RUNX1: variants seen among roughly 807,000 people sequenced by gnomAD.
RUNX1 encodes the protein RUNX family transcription factor 1.
A neutral mutation model predicts 42.8 loss-of-function variants in RUNX1; 19 were observed. The ratio of observed to expected loss-of-function variants is 0.44; its 90% confidence interval spans 0.31 to 0.65. RUNX1 has a LOEUF of 0.65. Among genes scored for constraint, RUNX1 ranks in the 30% least tolerant of loss-of-function variants. RUNX1 has a pLI of 0.07. For synonymous variants in RUNX1, 271 were observed against 289.4 expected (o/e 0.94, Z 0.64); for missense variants, 528 against 672.0 (o/e 0.79, Z 2.37).
intron 2 of RUNX1, among the ~76,000 whole-genome samples, chr21:34,904,281 T>C (rs929563526): frequency 1.3e-5 from 2 of 152,112 alleles, no homozygotes; most frequent in African/African-American, 4.8e-5. Context: ...TTTTGAAAGG[T>C]AGAGAGAAAG....
At chr21:34,891,128 C>T (rs2146446882) in intron 3 of RUNX1, among the ~76,000 whole-genome samples, 1 of 152,322 alleles carries the variant, frequency 6.6e-6, no homozygotes, top group Non-Finnish European at 1.5e-5. Context: ...GGCTGCGAGT[C>T]GGACTCGGGC....
intron 2 of RUNX1, among the ~76,000 whole-genome samples, chr21:34,981,794 A>G (rs2058848234): frequency 1.3e-5 from 2 of 152,272 alleles, no homozygotes; most frequent in Middle Eastern, 3.4e-3. Context: ...CTATAATAAT[A>G]TGGCTTGATG....
chr21:34,931,351 CATGTGTATATAT>C (rs1016815228), intron 2 of RUNX1, among the ~76,000 whole-genome samples: 2 of 144,100 alleles, frequency 1.4e-5, no homozygotes, highest in Non-Finnish European at 3.0e-5. Flanking sequence ...TATATATATA[CATGTGTATATAT>C]ATGTGTATAT....
In RUNX1 at chr21:34,947,912, C is replaced by T. The variant is rs924539619; in HGVS notation, c.59-54949G>A. Among the ~76,000 whole-genome samples, 25 of 152,100 alleles carry T rather than the reference C, an allele frequency of 1.6e-4. 1 individual carries two copies. The highest frequency in any genetic ancestry group is 6.0e-4 in the African/African-American group (25 of 41,410). On this transcript the variant is annotated intron_variant, in intron 2 of 8. Transcript: ENST00000675419. ...CTGTCATGCTGCGAGGAAGTATTTG[C>T]AGGCCTCTGAGTTCAGTCCTCCGAG...
At position 34,999,430 on chromosome 21, in the gene RUNX1, G is replaced by A. The variant is rs547849250; in HGVS notation, c.58+49412C>T. Among the ~76,000 whole-genome samples the A allele has an allele frequency of 2.0e-5, 3 of 152,354 alleles. No homozygotes were observed. The South Asian group carries it at 6.2e-4, about 32-fold the overall frequency. Reference sequence around the variant, plus strand: ...ATGGAGCCCCCACAGCTGAGGGTGAGTGAGTTAGGGGCTGACCTGGGAGAC... The same window carrying A: ...ATGGAGCCCCCACAGCTGAGGGTGAATGAGTTAGGGGCTGACCTGGGAGAC... On this transcript the variant is annotated intron_variant, in intron 2 of 8. Coordinates refer to ENST00000675419, the MANE Select transcript of RUNX1 (RefSeq NM_001754.5).
intron 3 of RUNX1, chr21:34,888,042 C>T: frequency 2.8e-6 from 3 of 1,066,296 alleles, no homozygotes; most frequent in Non-Finnish European, 3.4e-6. Flanking sequence ...AAGTTTGTGG[C>T]TGGTCCTCTG....
intron 5 of RUNX1, among the ~76,000 whole-genome samples, chr21:34,862,357 G>A (rs2057589274): frequency 6.6e-6 from 1 of 152,132 alleles, no homozygotes; most frequent in African/African-American, 2.4e-5. Flanking sequence ...TTCTTCTGTT[G>A]CCTACAACTC....
intron 2 of RUNX1, among the ~76,000 whole-genome samples, chr21:34,981,620 G>C (rs1216101286): frequency 6.6e-6 from 1 of 152,116 alleles, no homozygotes; most frequent in African/African-American, 2.4e-5. Context: ...CAAATATTTG[G>C]ATCCACATGA....
At chr21:35,031,270 C>T (rs756624717) in intron 2 of RUNX1, among the ~76,000 whole-genome samples, 6 of 152,216 alleles carry the variant, frequency 3.9e-5, no homozygotes, top group African/African-American at 1.4e-4. Flanking sequence ...ATTGCTTGAA[C>T]CTAAGAGGCA....
At chr21:34,939,913 T>C (rs1349564781) in intron 2 of RUNX1, among the ~76,000 whole-genome samples, 1 of 152,124 alleles carries the variant, frequency 6.6e-6, no homozygotes, top group Non-Finnish European at 1.5e-5. Context: ...TTGCGCAACA[T>C]GTAACCAAGC....
chr21:35,001,029 T>A (rs2059037984), intron 2 of RUNX1, among the ~76,000 whole-genome samples: 1 of 152,194 alleles, frequency 6.6e-6, no homozygotes, highest in Non-Finnish European at 1.5e-5. Flanking sequence ...CCAGATTTCT[T>A]ACGCTGAAGA....
intron 7 of RUNX1, chr21:34,821,729 T>C: frequency 3.2e-6 from 5 of 1,542,320 alleles, no homozygotes; most frequent in South Asian, 1.2e-5. Flanking sequence ...GGGAGAAAGT[T>C]CGAAAATAAG....
intron 6 of RUNX1, among the ~76,000 whole-genome samples, chr21:34,836,708 T>C (rs2057152239): frequency 6.6e-6 from 1 of 152,224 alleles, no homozygotes; most frequent in Admixed American, 6.5e-5. Context: ...GGTTTTGTGC[T>C]CATTTCAAAA....
chr21:34,803,897 C>G (rs2056643279), intron 7 of RUNX1, among the ~76,000 whole-genome samples: 1 of 152,132 alleles, frequency 6.6e-6, no homozygotes, highest in African/African-American at 2.4e-5. Context: ...AACAATGACC[C>G]TTTTAAATAA....
intron 2 of RUNX1, among the ~76,000 whole-genome samples, chr21:35,019,950 A>G (rs559192602): frequency 6.6e-6 from 1 of 152,326 alleles, no homozygotes; most frequent in African/African-American, 2.4e-5. Context: ...TGTCAATTTC[A>G]TGACAAACTT....
intron 5 of RUNX1, among the ~76,000 whole-genome samples, chr21:34,875,149 G>A (rs897730077): frequency 9.9e-5 from 15 of 152,258 alleles, no homozygotes; most frequent in Admixed American, 6.5e-5. Context: ...GAAACTGCCT[G>A]TTGCAAGCAC....
At position 34,790,555 on chromosome 21, in the gene RUNX1, A is replaced by G. The variant is rs2056421158; in HGVS notation, c.*1580T>C. 1 of 233,382 alleles carries G rather than the reference A, an allele frequency of 4.3e-6. No individual in the cohort carries two copies. The highest frequency in any genetic ancestry group is 5.6e-5 in the Admixed American group (1 of 17,786). 14.5% of individuals were successfully genotyped at this position (233,382 alleles called of 1,614,324 possible). On this transcript the variant is annotated 3_prime_UTR_variant, in exon 9 of 9. Transcript: ENST00000675419. The stretch of plus-strand genomic sequence containing the variant: ...CATAAAATTTACAGCGACATTGGAT[A>G]CCTTTGAATTGTAGCCACGGACAGT...
In RUNX1 at chr21:34,966,119, C is replaced by T. The variant is rs1052719904; in HGVS notation, c.59-73156G>A. Among the ~76,000 whole-genome samples, 29 of 152,294 alleles carry T rather than the reference C, an allele frequency of 1.9e-4. No homozygotes were observed. In the South Asian group the frequency reaches 4.1e-3, roughly 22 times the overall value. On this transcript the variant is annotated intron_variant, in intron 2 of 8. Transcript: ENST00000675419. ...CCCACTTCATCTGCACACTTCTATA[C>T]ATTAGATAGAGCCCTGTTTTACAGA...
chr21:34,982,822 C>T (rs1364377482), intron 2 of RUNX1, among the ~76,000 whole-genome samples: 1 of 152,292 alleles, frequency 6.6e-6, no homozygotes, highest in African/African-American at 2.4e-5. Context: ...CCTGCCTTGG[C>T]CTCCCAAAGT....
Sources: allele counts gnomAD v4.1 joint callset (sites outside exome capture counted in the v4.1 genomes callset), GRCh38; gene constraint gnomAD v4.1.1; transcripts MANE v1.5; gene names NCBI Gene and HGNC (gene_info 2026-07-23, HGNC 2026-07-21).